Variants in AFG2A observed in about 807,000 individuals in gnomAD.
AFG2A encodes AAA ATPase AFG2A.
At chr4:122,957,885 G>A in the AFG2A span, among the ~76,000 whole-genome samples, 3 of 152,046 alleles carry the variant, frequency 2.0e-5, no homozygotes, top group African/African-American at 7.3e-5. Flanking sequence ...CAATATTAAT[G>A]ACTTCTGGTA....
At chr4:122,928,014 T>A in the AFG2A span, among the ~76,000 whole-genome samples, 14 of 152,208 alleles carry the variant, frequency 9.2e-5, no homozygotes, top group Non-Finnish European at 1.9e-4. Context: ...TTTCTGATTT[T>A]AATTTTCAAC....
the AFG2A span, among the ~76,000 whole-genome samples, chr4:123,177,461 T>A: frequency 6.6e-6 from 1 of 152,144 alleles, no homozygotes; most frequent in Non-Finnish European, 1.5e-5. Flanking sequence ...TTGGGAGACC[T>A]TGGCCTCCCA....
At chr4:123,233,771 G>T in the AFG2A span, among the ~76,000 whole-genome samples, 1 of 151,746 alleles carries the variant, frequency 6.6e-6, no homozygotes, top group Non-Finnish European at 1.5e-5. Context: ...CAGTGTTTAT[G>T]TATACATATA....
chr4:123,059,875 G>A, the AFG2A span, among the ~76,000 whole-genome samples: 1 of 152,128 alleles, frequency 6.6e-6, no homozygotes, highest in South Asian at 2.1e-4. Context: ...ATTTCATTGT[G>A]GTTTTGATTT....
the AFG2A span, among the ~76,000 whole-genome samples, chr4:123,166,349 G>C: frequency 1.3e-5 from 2 of 152,170 alleles, no homozygotes; most frequent in African/African-American, 4.8e-5. Context: ...TATGCTTCCT[G>C]CCCTCAAACA....
chr4:123,161,708 T>A, the AFG2A span, among the ~76,000 whole-genome samples: 1 of 152,086 alleles, frequency 6.6e-6, no homozygotes, highest in Admixed American at 6.6e-5. Context: ...GTCATGAGAT[T>A]TTACAAAGGT....
the AFG2A span, chr4:122,934,343 C>T: frequency 1.2e-6 from 2 of 1,614,178 alleles, no homozygotes; most frequent in Non-Finnish European, 8.5e-7. Context: ...TCAAGAAGTA[C>T]TCCTTATAAA....
the AFG2A span, among the ~76,000 whole-genome samples, chr4:122,966,098 A>G: frequency 6.6e-6 from 1 of 152,150 alleles, no homozygotes; most frequent in South Asian, 2.1e-4. Flanking sequence ...TTGATAATAT[A>G]TTTAACATTT....
the AFG2A span, among the ~76,000 whole-genome samples, chr4:123,213,079 G>C: frequency 6.6e-6 from 1 of 152,098 alleles, no homozygotes; most frequent in Non-Finnish European, 1.5e-5. Context: ...TATGTCACCA[G>C]TGGCAGTCTT....
At chr4:122,982,684 G>C in the AFG2A span, among the ~76,000 whole-genome samples, 1 of 151,980 alleles carries the variant, frequency 6.6e-6, no homozygotes, top group Non-Finnish European at 1.5e-5. Context: ...GGCCTGTTCA[G>C]ATTTTCTTTA....
the AFG2A span, among the ~76,000 whole-genome samples, chr4:123,300,060 T>G: frequency 6.6e-6 from 1 of 152,212 alleles, no homozygotes; most frequent in Non-Finnish European, 1.5e-5. Context: ...TAGTTTTAAA[T>G]CTTTCTTTAG....
the AFG2A span, among the ~76,000 whole-genome samples, chr4:123,086,479 A>C: frequency 6.6e-6 from 1 of 152,138 alleles, no homozygotes; most frequent in East Asian, 1.9e-4. Context: ...TTTTCTGCCT[A>C]TGTGTAGCTT....
chr4:123,058,574 G>T, the AFG2A span, among the ~76,000 whole-genome samples: 1 of 152,148 alleles, frequency 6.6e-6, no homozygotes, highest in Non-Finnish European at 1.5e-5. Flanking sequence ...GCGGTGAGCT[G>T]AGACTGCTCC....
chr4:123,146,755 C>T, the AFG2A span, among the ~76,000 whole-genome samples: 3 of 150,416 alleles, frequency 2.0e-5, no homozygotes, highest in East Asian at 4.0e-4. Flanking sequence ...TATTTTTATT[C>T]TTTCAGATCA....
the AFG2A span, among the ~76,000 whole-genome samples, chr4:122,960,479 G>A: frequency 1.3e-5 from 2 of 152,102 alleles, no homozygotes; most frequent in African/African-American, 4.8e-5. Flanking sequence ...AATAGATCTT[G>A]ATTTCTTCAA....
the AFG2A span, among the ~76,000 whole-genome samples, chr4:123,213,426 T>C: frequency 6.6e-6 from 1 of 152,138 alleles, no homozygotes; most frequent in Non-Finnish European, 1.5e-5. Flanking sequence ...ATCATATGGT[T>C]AGTCCCAAAA....
chr4:122,983,068 A>G, the AFG2A span, among the ~76,000 whole-genome samples: 7 of 151,948 alleles, frequency 4.6e-5, no homozygotes, highest in Admixed American at 6.6e-5. Context: ...GGGTTTCACC[A>G]TGTTGGTCAG....
At chr4:123,095,336 C>T in the AFG2A span, among the ~76,000 whole-genome samples, 2 of 151,938 alleles carry the variant, frequency 1.3e-5, no homozygotes, top group South Asian at 2.1e-4. Context: ...ATGATATATA[C>T]TGTATCAAAA....
chr4:123,084,813 T>C, the AFG2A span, among the ~76,000 whole-genome samples: 1 of 152,050 alleles, frequency 6.6e-6, no homozygotes, highest in African/African-American at 2.4e-5. Context: ...TTATTTTTTA[T>C]GGAGATGGGG....
Sources: allele counts gnomAD v4.1 joint callset (sites outside exome capture counted in the v4.1 genomes callset), GRCh38; gene constraint gnomAD v4.1.1; transcripts MANE v1.5; gene names NCBI Gene and HGNC (gene_info 2026-07-23, HGNC 2026-07-21).